The following EPG5 variants were observed in gnomAD, a reference collection of about 807,000 sequenced individuals.
EPG5 encodes the protein ectopic P granules protein 5 homolog.
EPG5 carries 159 observed loss-of-function variants against 302.7 expected under a neutral mutation model. The ratio of observed to expected loss-of-function variants is 0.53; its 90% CI spans 0.46 to 0.60. EPG5 has a LOEUF of 0.60. Ranked by LOEUF, EPG5 falls within the 20% of genes least tolerant of loss-of-function variation. The pLI, the probability that EPG5 is intolerant of heterozygous loss-of-function variation, is 0.00. For synonymous variants in EPG5, 1,158 were observed against 1,136.8 expected (o/e 1.02, Z -0.37); for missense variants, 2,896 against 3,092.4 (o/e 0.94, Z 1.51).
At chr18:45,858,518 T>A in intron 41 of EPG5, 48 bp downstream of exon 41, 1 of 1,463,118 alleles carries the variant, frequency 6.8e-7, no homozygotes, top group Non-Finnish European at 9.5e-7. Flanking sequence ...AAATTCCAAG[T>A]TAACCAAATA....
At chr18:45,870,865 T>C (rs1212775686) in intron 35 of EPG5, 123 bp from the exon 36 acceptor site, 2 of 776,500 alleles carry the variant, frequency 2.6e-6, no homozygotes, top group Non-Finnish European at 2.0e-6. Flanking sequence ...ATTTCAAAGA[T>C]TTTCATGTAG....
chr18:45,832,293 G>A, the EPG5 span, among the ~76,000 whole-genome samples: 1 of 152,056 alleles, frequency 6.6e-6, no homozygotes, highest in South Asian at 2.1e-4. Context: ...CCCAGTAAGT[G>A]AAGGAGCCTA....
chr18:45,897,473 A>G (rs1436705860), intron 27 of EPG5, among the ~76,000 whole-genome samples: 1 of 152,194 alleles, frequency 6.6e-6, no homozygotes, highest in Non-Finnish European at 1.5e-5. Flanking sequence ...CTCCACCCAA[A>G]ATTGGCAAAC....
intron 1 of EPG5, among the ~76,000 whole-genome samples, chr18:45,962,077 T>C (rs576378771): frequency 1.3e-5 from 2 of 152,318 alleles, no homozygotes; most frequent in African/African-American, 4.8e-5. Context: ...GTTTTTTCTC[T>C]TTTACATCCC....
chr18:45,937,418 A>G (rs541850068), intron 10 of EPG5, among the ~76,000 whole-genome samples: 1 of 151,916 alleles, frequency 6.6e-6, no homozygotes, highest in African/African-American at 2.4e-5. Context: ...ACATATATAT[A>G]TATTTTGAGA....
Position 45,944,111 on chromosome 18 carries a change from G to C in EPG5, c.1686C>G (p.Asp562Glu). The change falls in exon 8 of 44, where the codon GAC (aspartate) becomes GAG (glutamate). Residue 562 changes from aspartate (D) to glutamate (E), a missense_variant. By Grantham distance (45) the Asp-to-Glu change is conservative (BLOSUM62 2). Coordinates refer to ENST00000282041, the MANE Select transcript of EPG5 (RefSeq NM_020964.3). ...LVDEGGEEDE[D>E]PETSWILLNE... is the part of the protein sequence containing the mutation. ...TAAGGAGAATCCAACTGGTCTCAGG[G>C]TCTTCATCCTAAGGGAAAAGACAAA... The C allele has an allele frequency of 6.2e-7, 1 of 1,607,978 alleles. No homozygotes were observed. Among genetic ancestry groups the C allele is most frequent in the Non-Finnish European group, 8.5e-7 (1 of 1,174,616 alleles).
intron 6 of EPG5, among the ~76,000 whole-genome samples, chr18:45,947,050 C>G (rs1162080961): frequency 6.6e-6 from 1 of 152,194 alleles, no homozygotes; most frequent in Admixed American, 6.5e-5. Flanking sequence ...TGCTGCGGAC[C>G]TTAACTCAAA....
the EPG5 span, chr18:45,837,051 A>G: frequency 5.8e-6 from 9 of 1,540,136 alleles, no homozygotes; most frequent in Non-Finnish European, 6.3e-6. Flanking sequence ...GAACTAAAAT[A>G]GATACTACGG....
At chr18:45,819,584 G>T in the EPG5 span, among the ~76,000 whole-genome samples, 5 of 152,150 alleles carry the variant, frequency 3.3e-5, no homozygotes, top group African/African-American at 1.2e-4. Context: ...AAAAGCAATT[G>T]TGTTGCTTCT....
intron 7 of EPG5, 146 bp downstream of exon 7, chr18:45,946,517 T>C: frequency 1.6e-6 from 1 of 627,702 alleles, no homozygotes; most frequent in South Asian, 2.0e-5. Flanking sequence ...TTTCCTCATC[T>C]ATAAAATAGG....
chr18:45,891,961 G>A (rs1308080769), intron 27 of EPG5, among the ~76,000 whole-genome samples: 1 of 152,138 alleles, frequency 6.6e-6, no homozygotes, highest in African/African-American at 2.4e-5. Context: ...CCGGGACTAT[G>A]CGTGTCACAG....
chr18:45,955,532 A>G (rs56376063), intron 1 of EPG5, among the ~76,000 whole-genome samples, 194 bp from the exon 2 acceptor site: 1,790 of 152,338 alleles, frequency 0.012, 14 homozygotes, highest in Non-Finnish European at 0.02. Context: ...GTATTATCCA[A>G]TATTGAGCGT....
intron 34 of EPG5, among the ~76,000 whole-genome samples, chr18:45,877,463 A>G (rs1198683026): frequency 6.6e-6 from 1 of 152,088 alleles, no homozygotes; most frequent in African/African-American, 2.4e-5. Context: ...TAGAAAACTC[A>G]ATATCCAAAT....
chr18:45,868,002 G>C (rs1015482704), intron 36 of EPG5: 3 of 547,990 alleles, frequency 5.5e-6, no homozygotes, highest in African/African-American at 3.7e-5. Context: ...AGCGAGGAAT[G>C]ACCTTCCCTA....
chr18:45,882,438 C>A lies in EPG5; in HGVS notation c.5354G>T (p.Arg1785Leu), dbSNP rs755031204. The change falls in exon 31 of 44, where the codon CGT becomes CTT. Residue 1785 changes from arginine to leucine, a missense_variant. By Grantham distance (102) the Arg-to-Leu change is moderately radical. This residue lies in a region of EPG5 where 790 missense variants were observed against 798.0 expected (regional missense o/e 0.99). Coordinates refer to ENST00000282041, the MANE Select transcript of EPG5 (RefSeq NM_020964.3). Reference sequence around the variant, plus strand: ...GTGAATGGACTCCAGAAGCCTGGTACGATCAGACAGAGGAGGTTTAGTGGC... The same window carrying A: ...GTGAATGGACTCCAGAAGCCTGGTAAGATCAGACAGAGGAGGTTTAGTGGC... ...LSATKPPLSDRTRLLESIHLA... is the reference protein window; with the variant it reads ...LSATKPPLSDLTRLLESIHLA... 6.2e-7 allele frequency: 1 copy of A among 1,614,004 alleles called. No individual in the cohort carries two copies. Among genetic ancestry groups the A allele is most frequent in the Non-Finnish European group, 8.5e-7 (1 of 1,180,024 alleles).
In EPG5 at chr18:45,911,628, A is replaced by G. The variant is rs570813013; in HGVS notation, c.3983+662T>C. ...AGTTTTCTATTTTTAGTAGAGACAGAGTTTCACCATGTTGGCCAGGCTTGT... is the reference window on the plus strand; with the variant it reads ...AGTTTTCTATTTTTAGTAGAGACAGGGTTTCACCATGTTGGCCAGGCTTGT... On this transcript the variant is annotated intron_variant, in intron 22 of 43. Coordinates refer to ENST00000282041, the MANE Select transcript of EPG5 (RefSeq NM_020964.3). Among the ~76,000 whole-genome samples the G allele has an allele frequency of 2.0e-5, 3 of 151,832 alleles. No homozygotes were observed. The South Asian group carries it at 6.2e-4, about 32-fold the overall frequency.
the EPG5 span, among the ~76,000 whole-genome samples, chr18:45,806,145 G>A: frequency 1.3e-5 from 2 of 152,172 alleles, no homozygotes; most frequent in Non-Finnish European, 2.9e-5. Context: ...TCTGGGAGGG[G>A]AAAATTTATC....
chr18:45,960,895 G>A (rs2051134043), intron 1 of EPG5, among the ~76,000 whole-genome samples: 2 of 152,154 alleles, frequency 1.3e-5, no homozygotes, highest in South Asian at 2.1e-4. Flanking sequence ...ATGTAAAGAT[G>A]TAGAATAGGC....
rs773301726 is a variant in EPG5 at position 45,939,675 on chromosome 18, T to A, written c.2024A>T (p.Tyr675Phe). ...TTCAACCTGTAGTTTCTCCATAGAG[T>A]AGGGCTGTTGGGCCAATCCTGAGCC... The part of the protein sequence containing the change: ...NQGSGLAQQP[Y>F]SMEKLQVEFD... The change falls in exon 10 of 44, where the codon TAC becomes TTC. Residue 675 changes from tyrosine to phenylalanine, a missense_variant. Physicochemically the swap from Tyr to Phe is conservative, Grantham distance 22. This residue lies in a region of EPG5 where 1,390 missense variants were observed against 1,430.0 expected (regional missense o/e 0.97). Transcript: ENST00000282041. 6.2e-7 allele frequency: 1 copy of A among 1,613,982 alleles called. No homozygotes were observed. Among genetic ancestry groups the A allele is most frequent in the Non-Finnish European group, 8.5e-7 (1 of 1,179,960 alleles).
Sources: gnomAD v4.1 joint callset for allele counts (sites outside exome capture counted in the v4.1 genomes callset) on GRCh38, gnomAD v4.1.1 for gene constraint, gnomAD v4.1.1 regional missense constraint, MANE v1.5 for transcripts, NCBI Gene and HGNC (gene_info 2026-07-23, HGNC 2026-07-21) for gene names.